Variants in ROR1 observed in about 807,000 individuals in gnomAD.
ROR1 encodes ROR family WNT receptor 1, also known as inactive tyrosine-protein kinase transmembrane receptor ROR1.
Under a neutral mutation model 78.8 loss-of-function variants are expected in ROR1, and 19 were observed. The observed-to-expected ratio is 0.24, with a 90% CI of 0.17 to 0.35. The LOEUF (loss-of-function observed/expected upper bound fraction) is 0.35. Ranked by LOEUF, ROR1 falls within the 10% of genes least tolerant of loss-of-function variation. The pLI, the probability that ROR1 is intolerant of heterozygous loss-of-function variation, is 1.00. For missense variants in ROR1, 917 were observed against 1,177.8 expected (o/e 0.78, Z 3.24); for synonymous variants, 386 against 433.6 (o/e 0.89, Z 1.36).
chr1:63,951,187 A>G (rs1001799673), intron 1 of ROR1, among the ~76,000 whole-genome samples: 1 of 152,184 alleles, frequency 6.6e-6, no homozygotes, highest in Non-Finnish European at 1.5e-5. Flanking sequence ...AGGGAGGTAA[A>G]GAGGACAGTT....
Position 63,988,586 on chromosome 1 carries a change from T to A in ROR1, c.92-20719T>A, listed in dbSNP as rs543495285. Reference sequence around the variant, plus strand: ...CATTACCACCATCCAATGCCAGAAATTTTTCATCTCCTCCAACTAGAACTC... The same window carrying A: ...CATTACCACCATCCAATGCCAGAAAATTTTCATCTCCTCCAACTAGAACTC... On this transcript the variant is annotated intron_variant, in intron 1 of 8. Transcript: ENST00000371079. 3.3e-5 allele frequency among the ~76,000 whole-genome samples: 5 copies of A among 152,346 alleles called. No individual in the cohort carries two copies. In the South Asian group the frequency reaches 1.0e-3, roughly 32 times the overall value.
At chr1:63,886,381 T>C (rs1236799583) in intron 1 of ROR1, among the ~76,000 whole-genome samples, 1 of 152,194 alleles carries the variant, frequency 6.6e-6, no homozygotes, top group African/African-American at 2.4e-5. Context: ...TTGCAATGCA[T>C]GGTTCTTAAG....
At chr1:63,828,649 T>G (rs1271073484) in intron 1 of ROR1, among the ~76,000 whole-genome samples, 2 of 152,234 alleles carry the variant, frequency 1.3e-5, no homozygotes, top group East Asian at 3.8e-4. Context: ...GTTATTTGAT[T>G]CCAGCATATT....
chr1:63,840,529 G>A (rs987249639), intron 1 of ROR1, among the ~76,000 whole-genome samples: 2 of 152,104 alleles, frequency 1.3e-5, no homozygotes, highest in Admixed American at 1.3e-4. Context: ...TGATCTGCCC[G>A]CCTTGGCATC....
intron 1 of ROR1, among the ~76,000 whole-genome samples, chr1:63,973,424 C>G (rs972495692): frequency 6.6e-6 from 1 of 152,138 alleles, no homozygotes; most frequent in African/African-American, 2.4e-5. Flanking sequence ...ATACCTCTAC[C>G]CAGTCCCAGT....
At chr1:64,052,163 T>C (rs1177276542) in intron 4 of ROR1, among the ~76,000 whole-genome samples, 1 of 151,890 alleles carries the variant, frequency 6.6e-6, no homozygotes, top group Non-Finnish European at 1.5e-5. Context: ...CACTCTGCCT[T>C]GCATTTCTTG....
intron 1 of ROR1, among the ~76,000 whole-genome samples, chr1:63,786,484 G>C (rs1210748930): frequency 6.6e-6 from 1 of 151,140 alleles, no homozygotes; most frequent in Non-Finnish European, 1.5e-5. Flanking sequence ...GTGTTAGCCA[G>C]GATGGTCTCG....
At chr1:63,820,536 T>G (rs1468522006) in intron 1 of ROR1, among the ~76,000 whole-genome samples, 2 of 152,182 alleles carry the variant, frequency 1.3e-5, no homozygotes, top group African/African-American at 2.4e-5. Flanking sequence ...AATTTTGCCT[T>G]CTTTTTTTTC....
rs568121537 is a variant in ROR1, at chr1:63,834,886, T to C, written c.91+60378T>C. Among the ~76,000 whole-genome samples the C allele has an allele frequency of 1.2e-4, 18 of 152,104 alleles. 1 individual carries two copies. In the South Asian group the frequency reaches 3.5e-3, roughly 30 times the overall value. Reference sequence around the variant, plus strand: ...TTACCGCCAGCCACTACCTGATCAATTCTGCTTGGGAAATGGCTCTAATCA... The same window carrying C: ...TTACCGCCAGCCACTACCTGATCAACTCTGCTTGGGAAATGGCTCTAATCA... On this transcript the variant is annotated intron_variant, in intron 1 of 8. Transcript: ENST00000371079.
chr1:64,164,391 A>C (rs767849219), intron 8 of ROR1, among the ~76,000 whole-genome samples: 11 of 152,178 alleles, frequency 7.2e-5, no homozygotes, highest in Non-Finnish European at 1.3e-4. Flanking sequence ...TATGATTACA[A>C]ATCTTGGCTC....
rs367868358 is a variant in ROR1 at position 63,822,272 on chromosome 1, A to G, written c.91+47764A>G. Among the ~76,000 whole-genome samples the G allele has an allele frequency of 4.6e-5, 7 of 152,312 alleles. No homozygotes were observed. The South Asian group carries it at 1.2e-3, about 27-fold the overall frequency. ...CTGGCACATAGTGGATGCGAAATAG[A>G]TATTTGTTGAACAAGTGAGTATGTC... is the stretch of plus-strand genomic sequence containing the variant. On this transcript the variant is annotated intron_variant, in intron 1 of 8. Transcript: ENST00000371079.
In ROR1 at chr1:64,179,020, G is replaced by C; in HGVS notation, c.*165G>C. The C allele has an allele frequency of 2.7e-5, 7 of 255,654 alleles. No individual in the cohort carries two copies. Among genetic ancestry groups the C allele is most frequent in the South Asian group, 1.2e-4 (1 of 8,220 alleles). The allele number at this position is 255,654 out of a possible 1,614,324, so 15.8% of individuals were successfully genotyped here. A position where few individuals can be genotyped will look rare whatever the true frequency, so the allele number is the denominator to read the frequency against. On this transcript the variant is annotated 3_prime_UTR_variant, in exon 9 of 9. Coordinates refer to ENST00000371079, the MANE Select transcript of ROR1 (RefSeq NM_005012.4). Reference sequence around the variant, plus strand: ...TCTTACCAAGCAGGACAGACACTCGGCCAGAAAAAAAAAAAAAAAAAAAAA... The same window carrying C: ...TCTTACCAAGCAGGACAGACACTCGCCCAGAAAAAAAAAAAAAAAAAAAAA...
At chr1:64,115,038 C>T (rs1250377621) in intron 4 of ROR1, among the ~76,000 whole-genome samples, 1 of 152,164 alleles carries the variant, frequency 6.6e-6, no homozygotes, top group Non-Finnish European at 1.5e-5. Context: ...GATCATGGCT[C>T]ACTGCAGCGT....
At position 64,130,320 on chromosome 1, in the gene ROR1, G is replaced by A. The variant is rs564939593; in HGVS notation, c.483-7049G>A. ...AAAACTGACCTTAAAGGTCAAGTAT[G>A]TTAACATGTACTTTTTGATGCTCAC... On this transcript the variant is annotated intron_variant, in intron 4 of 8. Transcript: ENST00000371079. Among the ~76,000 whole-genome samples the A allele has an allele frequency of 1.8e-4, 28 of 152,318 alleles. No individual in the cohort carries two copies. In the South Asian group the frequency reaches 5.6e-3, roughly 30 times the overall value.
intron 1 of ROR1, among the ~76,000 whole-genome samples, chr1:63,807,895 A>G (rs189499713): frequency 2.9e-4 from 44 of 152,202 alleles, no homozygotes; most frequent in Non-Finnish European, 5.7e-4. Flanking sequence ...GAGGGGAGGG[A>G]CTGAAATTTA....
Position 64,121,059 on chromosome 1 carries a change from C to CTTTTT in ROR1, c.483-16275_483-16271dup, listed in dbSNP as rs200292093. Among the ~76,000 whole-genome samples the CTTTTT allele has an allele frequency of 1.8e-3, 150 of 82,004 alleles. 6 individuals are homozygous for CTTTTT. The highest frequency in any genetic ancestry group is 2.6e-3 in the Admixed American group (20 of 7,670). The allele number at this position is 82,004 out of a possible 152,430, so 53.8% of individuals were successfully genotyped here. ...CCACACTCCAGTCAGGGAGATACCC[C>CTTTTT]TTTTTTTTTTTTTTTTTTTTTTTTT... On this transcript the variant is annotated intron_variant, in intron 4 of 8. Transcript: ENST00000371079.
At chr1:63,856,585 T>G (rs1645150505) in intron 1 of ROR1, among the ~76,000 whole-genome samples, 1 of 152,160 alleles carries the variant, frequency 6.6e-6, no homozygotes, top group African/African-American at 2.4e-5. Flanking sequence ...GTTAGCTCAA[T>G]TCACTCAACT....
intron 1 of ROR1, among the ~76,000 whole-genome samples, chr1:63,822,738 T>C (rs1052574521): frequency 1.6e-4 from 25 of 152,330 alleles, no homozygotes; most frequent in African/African-American, 6.0e-4. Context: ...TGTGATTGCA[T>C]CATAGTTTTC....
intron 4 of ROR1, among the ~76,000 whole-genome samples, chr1:64,099,786 G>T (rs1647447840): frequency 6.6e-6 from 1 of 152,208 alleles, no homozygotes; most frequent in African/African-American, 2.4e-5. Context: ...GCCGGGTGCA[G>T]TGGCTCACGC....
Sources: allele counts gnomAD v4.1 joint callset (sites outside exome capture counted in the v4.1 genomes callset), GRCh38; gene constraint gnomAD v4.1.1; transcripts MANE v1.5; gene names NCBI Gene and HGNC (gene_info 2026-07-23, HGNC 2026-07-21).